Variants in BANF2 observed in about 807,000 individuals in gnomAD.
BANF2 encodes the protein BANF family member 2, also known as barrier-to-autointegration factor-like protein.
In BANF2, 4 loss-of-function variants were observed where a neutral mutation model predicts 8.0. That is an observed-to-expected ratio of 0.50 (90% confidence interval 0.25 to 1.14). The LOEUF is 1.14. Among genes scored for constraint, BANF2 ranks in the 50% most tolerant of loss-of-function variants. The probability of loss-of-function intolerance (pLI) is 0.16; values close to 1 mark genes in which losing one functional copy is unlikely to be tolerated. For synonymous variants in BANF2, 50 were observed against 40.6 expected (o/e 1.23, Z -0.88); for missense variants, 96 against 107.5 (o/e 0.89, Z 0.47).
intron 1 of BANF2, among the ~76,000 whole-genome samples, chr20:17,716,544 G>A (rs752507288): frequency 3.1e-4 from 47 of 150,340 alleles, no homozygotes; most frequent in Non-Finnish European, 4.7e-4. Context: ...AGGCTCACCC[G>A]TCTTTCCTTT....
intron 1 of BANF2, among the ~76,000 whole-genome samples, chr20:17,694,601 C>CTCT (rs2037328802): frequency 7.8e-4 from 21 of 26,776 alleles, no homozygotes; most frequent in African/African-American, 2.2e-3. Context: ...TTTTCTCTCT[C>CTCT]TTTTTTTTTT....
chr20:17,713,904 A>G (rs34802763), intron 1 of BANF2, among the ~76,000 whole-genome samples: 2 of 152,162 alleles, frequency 1.3e-5, no homozygotes, highest in Admixed American at 1.3e-4. Context: ...GTATTTTACC[A>G]CAATTAAGAA....
intron 1 of BANF2, among the ~76,000 whole-genome samples, chr20:17,700,812 C>T (rs1218839609): frequency 6.6e-6 from 1 of 152,172 alleles, no homozygotes; most frequent in African/African-American, 2.4e-5. Context: ...ACAGTAGGGA[C>T]CCGTTCTGGG....
intron 1 of BANF2, among the ~76,000 whole-genome samples, chr20:17,694,018 C>T (rs576925529): frequency 6.6e-6 from 1 of 152,234 alleles, no homozygotes; most frequent in African/African-American, 2.4e-5. Context: ...GCCTCACAGT[C>T]TCTCCTTGTT....
At chr20:17,724,089 C>G (rs974560590) in intron 2 of BANF2, among the ~76,000 whole-genome samples, 1 of 152,172 alleles carries the variant, frequency 6.6e-6, no homozygotes, top group Non-Finnish European at 1.5e-5. Context: ...CTTATGGAAC[C>G]CATGATATTT....
At chr20:17,707,487 CTGTT>C (rs2037500397) in intron 1 of BANF2, among the ~76,000 whole-genome samples, 1 of 152,090 alleles carries the variant, frequency 6.6e-6, no homozygotes, top group Non-Finnish European at 1.5e-5. Context: ...ATGGCAGTCA[CTGTT>C]TGTAGATATT....
chr20:17,735,584 G>A, intron 3 of BANF2, 81 bp from the exon 4 acceptor site: 2 of 1,480,122 alleles, frequency 1.4e-6, no homozygotes, highest in South Asian at 1.2e-5. Context: ...CGTGAGCCCT[G>A]GTTGCTGGGA....
upstream of BANF2, among the ~76,000 whole-genome samples, chr20:17,696,355 A>G (rs1008574068): frequency 6.6e-6 from 1 of 152,146 alleles, no homozygotes. Flanking sequence ...GTAGAATCCT[A>G]GCTTATAGGG....
At chr20:17,710,450 T>C (rs891427144) in intron 1 of BANF2, among the ~76,000 whole-genome samples, 1 of 152,214 alleles carries the variant, frequency 6.6e-6, no homozygotes, top group Admixed American at 6.5e-5. Context: ...GAATTCGTTT[T>C]GAGGACTATG....
At position 17,734,703 on chromosome 20, in the gene BANF2, T is replaced by A. The variant is rs113841235; in HGVS notation, c.127-962T>A. On this transcript the variant is annotated intron_variant, in intron 3 of 3. Transcript: ENST00000246090. ...AGGGTGCCACCGGCATGCGTAGAGATCAGGGGTGCTGCTGAACATCCTGCA... is the reference window on the plus strand; with the variant it reads ...AGGGTGCCACCGGCATGCGTAGAGAACAGGGGTGCTGCTGAACATCCTGCA... Among the ~76,000 whole-genome samples the A allele has an allele frequency of 5.5e-3, 844 of 152,280 alleles. 8 individuals are homozygous for A. Among genetic ancestry groups the A allele is most frequent in the African/African-American group, 0.019 (794 of 41,556 alleles).
At chr20:17,707,382 C>CAAAAAAAAAAAAG (rs374719840) in intron 1 of BANF2, among the ~76,000 whole-genome samples, 22 of 142,352 alleles carry the variant, frequency 1.5e-4, no homozygotes, top group African/African-American at 5.2e-4. Flanking sequence ...GACTCTGTGT[C>CAAAAAAAAAAAAG]AAAAAAAAGA....
chr20:17,704,735 A>G (rs2037456900), intron 1 of BANF2, among the ~76,000 whole-genome samples: 1 of 152,236 alleles, frequency 6.6e-6, no homozygotes, highest in African/African-American at 2.4e-5. Context: ...AACTAAACTC[A>G]AACTAGTTAA....
intron 1 of BANF2, among the ~76,000 whole-genome samples, chr20:17,719,024 C>A (rs938219637): frequency 1.3e-5 from 2 of 152,176 alleles, no homozygotes; most frequent in Non-Finnish European, 2.9e-5. Context: ...CTGCAGCTCG[C>A]CCGGGGTTAC....
intron 3 of BANF2, among the ~76,000 whole-genome samples, chr20:17,731,685 A>G (rs900983276): frequency 4.5e-5 from 6 of 132,892 alleles, no homozygotes; most frequent in African/African-American, 1.7e-4. Flanking sequence ...GAGCCCAGGA[A>G]TTTATGGTTG....
chr20:17,715,713 G>C (rs2037641834), intron 1 of BANF2, among the ~76,000 whole-genome samples: 1 of 152,246 alleles, frequency 6.6e-6, no homozygotes, highest in Admixed American at 6.5e-5. Context: ...CACAAAGCGT[G>C]TGCCACAAAC....
intron 1 of BANF2, 98 bp from the exon 2 acceptor site, chr20:17,722,618 G>A (rs770589227): frequency 4.3e-5 from 23 of 540,328 alleles, no homozygotes; most frequent in Non-Finnish European, 5.2e-5. Context: ...AGCTGCTAAA[G>A]AGAGGTCGAT....
chr20:17,702,910 T>C (rs952913117), intron 1 of BANF2, among the ~76,000 whole-genome samples: 2 of 152,162 alleles, frequency 1.3e-5, no homozygotes, highest in African/African-American at 4.8e-5. Context: ...GAGCTGCGCT[T>C]GTTGTTTAAA....
At chr20:17,719,088 G>A (rs1372116516) in intron 1 of BANF2, among the ~76,000 whole-genome samples, 2 of 152,152 alleles carry the variant, frequency 1.3e-5, no homozygotes, top group Non-Finnish European at 2.9e-5. Context: ...GAGCTGGTGT[G>A]CTTTGCCAGG....
intron 1 of BANF2, among the ~76,000 whole-genome samples, chr20:17,694,911 C>G (rs564031421): frequency 6.6e-6 from 1 of 151,998 alleles, no homozygotes; most frequent in East Asian, 1.9e-4. Flanking sequence ...TGTGAGCCAC[C>G]GCACCCTGCC....
Sources: allele counts gnomAD v4.1 joint callset (sites outside exome capture counted in the v4.1 genomes callset), GRCh38; gene constraint gnomAD v4.1.1; transcripts MANE v1.5; gene names NCBI Gene and HGNC (gene_info 2026-07-23, HGNC 2026-07-21).